The following GATB variants were observed in gnomAD, a reference collection of about 807,000 sequenced individuals.
GATB encodes glutamyl-tRNA(Gln) amidotransferase subunit B, mitochondrial.
In GATB, 39 loss-of-function variants were observed where a neutral mutation model predicts 62.3. That is an observed-to-expected ratio of 0.63 (90% CI 0.48 to 0.82). GATB has a LOEUF of 0.82. Ranked by LOEUF, GATB falls within the 40% of genes least tolerant of loss-of-function variation. The probability of loss-of-function intolerance (pLI) is 0.00; values close to 1 mark genes in which losing one functional copy is unlikely to be tolerated. For synonymous variants in GATB, 276 were observed against 258.9 expected (o/e 1.07, Z -0.63); for missense variants, 670 against 684.0 (o/e 0.98, Z 0.23).
At chr4:151,717,132 A>C in intron 3 of GATB, 58 bp from the exon 4 acceptor site, 1 of 1,494,030 alleles carries the variant, frequency 6.7e-7, no homozygotes, top group Non-Finnish European at 9.3e-7. Context: ...GCTGGGATCC[A>C]GTTTACTATC....
intron 2 of GATB, among the ~76,000 whole-genome samples, chr4:151,732,292 G>T (rs1739283895): frequency 6.6e-6 from 1 of 152,200 alleles, no homozygotes; most frequent in Admixed American, 6.5e-5. Flanking sequence ...GGGGAAAGGT[G>T]GGGAAAAGAT....
At chr4:151,682,849 A>G (rs953761690) in intron 10 of GATB, among the ~76,000 whole-genome samples, 2 of 152,112 alleles carry the variant, frequency 1.3e-5, no homozygotes, top group Non-Finnish European at 2.9e-5. Flanking sequence ...TTCTGTGTTC[A>G]TCTCACGGAT....
intron 9 of GATB, among the ~76,000 whole-genome samples, chr4:151,699,677 C>A (rs539419714): frequency 4.6e-5 from 7 of 152,182 alleles, no homozygotes; most frequent in Non-Finnish European, 1.0e-4. Flanking sequence ...TGGAAATGCC[C>A]TCTGAAGGGG....
intron 8 of GATB, 37 bp from the exon 9 acceptor site, chr4:151,701,555 T>C (rs769125521): frequency 7.3e-7 from 1 of 1,376,068 alleles, no homozygotes; most frequent in South Asian, 1.9e-5. Flanking sequence ...GAATCTGGAG[T>C]ACTTGGATTA....
At chr4:151,716,819 C>G (rs1001297833) in intron 4 of GATB, 57 bp downstream of exon 4, 2 of 1,512,438 alleles carry the variant, frequency 1.3e-6, no homozygotes, top group Non-Finnish European at 1.8e-6. Context: ...AAAAGAGGGC[C>G]CTGCTATCCA....
At chr4:151,687,741 C>T (rs1738280518) in intron 10 of GATB, among the ~76,000 whole-genome samples, 1 of 152,112 alleles carries the variant, frequency 6.6e-6, no homozygotes, top group Admixed American at 6.5e-5. Context: ...TTCTCTCCCT[C>T]CCCCCTTCCT....
In GATB at chr4:151,671,264, A is replaced by C. The variant is rs1187696578; in HGVS notation, c.1584T>G (p.Asn528Lys). ...CTTTCCGGACCAACCCAATCAGTTT[A>C]TTTATAGCTCTGGGGTTTCTGTTCT... ...DVKNRNPRAI[N>K]KLIGLVRKAT... The change falls in exon 13 of 13, where the codon AAT (asparagine) becomes AAG (lysine). Residue 528 changes from asparagine to lysine, a missense_variant. Transcript: ENST00000263985. 1 of 1,613,944 alleles carries C rather than the reference A, an allele frequency of 6.2e-7. No individual in the cohort carries two copies. The highest frequency in any genetic ancestry group is 8.5e-7 in the Non-Finnish European group (1 of 1,179,884).
intron 2 of GATB, among the ~76,000 whole-genome samples, chr4:151,747,400 C>T (rs1234402435): frequency 6.6e-6 from 1 of 152,216 alleles, no homozygotes; most frequent in Non-Finnish European, 1.5e-5. Flanking sequence ...GAAATCTGAG[C>T]CCTTGACCCT....
chr4:151,694,364 G>A (rs1156898002), intron 9 of GATB, among the ~76,000 whole-genome samples: 3 of 152,110 alleles, frequency 2.0e-5, no homozygotes, highest in Non-Finnish European at 2.9e-5. Context: ...GGTGTCACAC[G>A]GCTCTGAGCC....
chr4:151,734,474 T>C (rs997426102), intron 2 of GATB, among the ~76,000 whole-genome samples: 6 of 152,122 alleles, frequency 3.9e-5, no homozygotes, highest in East Asian at 3.8e-4. Context: ...ACACATCCCA[T>C]GTTCACGGAT....
intron 2 of GATB, among the ~76,000 whole-genome samples, chr4:151,731,539 C>T (rs957128325): frequency 1.1e-4 from 16 of 152,264 alleles, no homozygotes; most frequent in African/African-American, 4.8e-5. Context: ...GCTGCCACCC[C>T]GTCTGGGAAG....
At position 151,730,265 on chromosome 4, in the gene GATB, A is replaced by G. The variant is rs996150785; in HGVS notation, c.328-10727T>C. Among the ~76,000 whole-genome samples the G allele has an allele frequency of 1.3e-5, 2 of 152,184 alleles. No individual in the cohort carries two copies. Among genetic ancestry groups the G allele is most frequent in the Non-Finnish European group, 2.9e-5 (2 of 68,024 alleles). On this transcript the variant is annotated intron_variant, in intron 2 of 12. Coordinates refer to ENST00000263985, the MANE Select transcript of GATB (RefSeq NM_004564.3). The surrounding 1 kb of genome is among the most constrained non-coding windows in gnomAD (Gnocchi z 4.1). ...CATCCCCATCATCCACAGCAGCCGC[A>G]GCAAGACCCGCCCAAGGAGAGTCTG...
chr4:151,683,066 G>A (rs1430291534), intron 10 of GATB, among the ~76,000 whole-genome samples: 2 of 152,012 alleles, frequency 1.3e-5, no homozygotes, highest in East Asian at 1.9e-4. Flanking sequence ...CCACTCCTCC[G>A]AACCAAAGAT....
chr4:151,682,766 T>C (rs1404552112), intron 10 of GATB, among the ~76,000 whole-genome samples: 1 of 152,106 alleles, frequency 6.6e-6, no homozygotes, highest in Non-Finnish European at 1.5e-5. Flanking sequence ...TCTCTGCTTC[T>C]GTTAAAACAG....
intron 2 of GATB, chr4:151,719,855 C>A: frequency 4.2e-6 from 1 of 236,240 alleles, no homozygotes; most frequent in Non-Finnish European, 8.1e-6. Flanking sequence ...GTGGTTACTA[C>A]ATAGAATAAA....
At chr4:151,729,811 G>A (rs980323308) in intron 2 of GATB, among the ~76,000 whole-genome samples, 2 of 152,198 alleles carry the variant, frequency 1.3e-5, no homozygotes, top group Non-Finnish European at 2.9e-5. Flanking sequence ...ATGAAGAGAA[G>A]AAGGAGAGTC....
intron 2 of GATB, 58 bp from the exon 3 acceptor site, chr4:151,719,596 C>T (rs932280512): frequency 8.5e-6 from 10 of 1,171,796 alleles, no homozygotes; most frequent in Non-Finnish European, 1.2e-5. Flanking sequence ...AATGCTTCTC[C>T]CACACACTGA....
intron 6 of GATB, among the ~76,000 whole-genome samples, chr4:151,707,502 C>G (rs1050172614): frequency 1.3e-5 from 2 of 152,100 alleles, no homozygotes; most frequent in Admixed American, 6.5e-5. Context: ...CTATGTTGCC[C>G]AGGTGGTCTT....
intron 2 of GATB, among the ~76,000 whole-genome samples, chr4:151,747,623 A>G (rs1411121853): frequency 1.3e-5 from 2 of 152,274 alleles, no homozygotes; most frequent in African/African-American, 4.8e-5. Flanking sequence ...AAATAAAAAC[A>G]AATTCACATA....
Sources: allele counts gnomAD v4.1 joint callset (sites outside exome capture counted in the v4.1 genomes callset), GRCh38; gene constraint gnomAD v4.1.1; non-coding constraint Gnocchi (gnomAD v3.1); transcripts MANE v1.5; gene names NCBI Gene and HGNC (gene_info 2026-07-23, HGNC 2026-07-21).